NELL1: variants seen among roughly 807,000 people sequenced by gnomAD.
NELL1 encodes the protein neural EGFL like 1.
A neutral mutation model predicts 107.4 loss-of-function variants in NELL1; 76 were observed. The observed-to-expected ratio is 0.71, with a 90% CI of 0.59 to 0.86. The LOEUF (loss-of-function observed/expected upper bound fraction) is 0.86, where lower values mean the gene tolerates loss of function less well. NELL1 is among the 40% of genes least tolerant of loss of function. NELL1 has a pLI of 0.00. For missense variants in NELL1, 1,024 were observed against 1,005.5 expected, an observed-to-expected ratio of 1.02 and a Z score of -0.25; for synonymous variants, 353 against 341.2, an observed-to-expected ratio of 1.03 and a Z score of -0.38.
At chr11:21,516,812 T>A (rs1855577336) in intron 15 of NELL1, among the ~76,000 whole-genome samples, 1 of 151,494 alleles carries the variant, frequency 6.6e-6, no homozygotes, top group Admixed American at 6.6e-5. Context: ...CATTGGTATT[T>A]TTTTTTTTTT....
intron 14 of NELL1, among the ~76,000 whole-genome samples, chr11:21,249,550 T>C (rs921262843): frequency 6.6e-6 from 1 of 152,038 alleles, no homozygotes; most frequent in African/African-American, 2.4e-5. Context: ...TAAACTGAGT[T>C]TAAAAAAAAT....
rs564853781 is a variant in NELL1, at chr11:20,823,674, G to A, written c.336-23909G>A. On this transcript the variant is annotated intron_variant, in intron 3 of 19. Transcript: ENST00000357134. Reference sequence around the variant, plus strand: ...GTCTGGGAATGTCAGTTTTAAATAAGTTTCCAGGTGATTCTAATGCAAATA... The same window carrying A: ...GTCTGGGAATGTCAGTTTTAAATAAATTTCCAGGTGATTCTAATGCAAATA... Among the ~76,000 whole-genome samples, 5 of 151,306 alleles carry A rather than the reference G, an allele frequency of 3.3e-5. No individual in the cohort carries two copies. The East Asian group carries it at 9.7e-4, about 29-fold the overall frequency.
chr11:20,849,253 G>T (rs1848754780), intron 4 of NELL1, among the ~76,000 whole-genome samples: 1 of 152,168 alleles, frequency 6.6e-6, no homozygotes, highest in Non-Finnish European at 1.5e-5. Flanking sequence ...CAACTTAAGA[G>T]TCCTGGAGAT....
At chr11:20,954,960 G>T (rs947268452) in intron 11 of NELL1, among the ~76,000 whole-genome samples, 1 of 152,194 alleles carries the variant, frequency 6.6e-6, no homozygotes, top group African/African-American at 2.4e-5. Flanking sequence ...GAAAGAAAGA[G>T]AAAAGAAACA....
At chr11:21,303,713 G>A (rs1849547371) in intron 14 of NELL1, among the ~76,000 whole-genome samples, 1 of 152,098 alleles carries the variant, frequency 6.6e-6, no homozygotes, top group Admixed American at 6.6e-5. Context: ...GCACTTGTAT[G>A]TTTATCACAG....
chr11:20,690,314 T>C (rs1041437122), intron 2 of NELL1, among the ~76,000 whole-genome samples: 1 of 152,246 alleles, frequency 6.6e-6, no homozygotes, highest in Non-Finnish European at 1.5e-5. Flanking sequence ...ACTTTGGCTT[T>C]TGTTGCCATT....
At chr11:20,786,100 C>T (rs1026773615) in intron 3 of NELL1, among the ~76,000 whole-genome samples, 4 of 150,832 alleles carry the variant, frequency 2.7e-5, no homozygotes, top group Non-Finnish European at 5.9e-5. Flanking sequence ...CCTGTAATCC[C>T]GGCACTTTGG....
rs1234609172 is a variant in NELL1, at chr11:20,669,609, C to CCCCGCCG, written c.-109_-103dup. On this transcript the variant is annotated 5_prime_UTR_variant, in exon 1 of 20. Coordinates refer to ENST00000357134, the MANE Select transcript of NELL1 (RefSeq NM_006157.5). This position sits in a 1 kb window ranked among gnomAD's most constrained non-coding sequence, Gnocchi z 4.4. ...GCACCCGGCGCTGCCGAGCCACCTCCCCCGCCGCCCGCTAGCAAGTTTGGC... is the reference window on the plus strand; with the variant it reads ...GCACCCGGCGCTGCCGAGCCACCTCCCCCGCCGCCCGCCGCCCGCTAGCAAGTTTGGC... The CCCCGCCG allele has an allele frequency of 2.3e-6, 2 of 866,190 alleles. No individual in the cohort carries two copies. The highest frequency in any genetic ancestry group is 3.4e-5 in the African/African-American group (2 of 58,100). 53.7% of individuals were successfully genotyped at this position (866,190 alleles called of 1,614,324 possible).
intron 2 of NELL1, among the ~76,000 whole-genome samples, chr11:20,692,969 C>G (rs1027500208): frequency 2.6e-5 from 4 of 151,988 alleles, no homozygotes; most frequent in African/African-American, 9.7e-5. Context: ...TCTGGGTGCT[C>G]CTGTATTGGG....
At chr11:20,736,590 T>TAA (rs972497850) in intron 2 of NELL1, among the ~76,000 whole-genome samples, 1 of 152,188 alleles carries the variant, frequency 6.6e-6, no homozygotes, top group African/African-American at 2.4e-5. Flanking sequence ...GTCCATTGTC[T>TAA]AAAATACAGC....
chr11:21,475,429 T>G (rs531546177), intron 15 of NELL1, among the ~76,000 whole-genome samples: 1 of 152,312 alleles, frequency 6.6e-6, no homozygotes, highest in African/African-American at 2.4e-5. Context: ...CCACATTCCT[T>G]GTCACATAAC....
At chr11:20,894,529 A>T (rs1028449039) in intron 5 of NELL1, among the ~76,000 whole-genome samples, 2 of 152,236 alleles carry the variant, frequency 1.3e-5, no homozygotes, top group African/African-American at 4.8e-5. Flanking sequence ...GGATGGTATC[A>T]ATATGATTAG....
intron 14 of NELL1, among the ~76,000 whole-genome samples, chr11:21,340,243 C>T (rs1850529408): frequency 6.6e-6 from 1 of 152,172 alleles, no homozygotes; most frequent in African/African-American, 2.4e-5. Flanking sequence ...AGCTCTGCCC[C>T]CCAGGTTCAT....
chr11:21,383,823 T>G (rs559785250), intron 15 of NELL1: 2 of 151,848 alleles, frequency 1.3e-5, no homozygotes, highest in South Asian at 4.1e-4. Flanking sequence ...CCAATATTAC[T>G]AACTAATCAG....
At chr11:21,385,146 C>T (rs923618034) in intron 15 of NELL1, among the ~76,000 whole-genome samples, 12 of 151,808 alleles carry the variant, frequency 7.9e-5, no homozygotes, top group African/African-American at 1.7e-4. Flanking sequence ...TATTGTTCTT[C>T]GGAGCCTTTA....
rs1372159334 is a variant in NELL1 at position 20,785,442 on chromosome 11, A to G, written c.335+1612A>G. On this transcript the variant is annotated intron_variant, in intron 3 of 19. Transcript: ENST00000357134. ...CTCATTTTCCAAGGATTGAGTGTCA[A>G]GGCAAGTCTCAGCTTCACAACCCTA... Among the ~76,000 whole-genome samples, 3 of 152,362 alleles carry G rather than the reference A, an allele frequency of 2.0e-5. No individual in the cohort carries two copies. The East Asian group carries it at 5.8e-4, about 29-fold the overall frequency.
intron 1 of NELL1, among the ~76,000 whole-genome samples, chr11:20,674,956 AG>A (rs1346834545): frequency 6.6e-6 from 1 of 152,208 alleles, no homozygotes; most frequent in Non-Finnish European, 1.5e-5. Context: ...AGTGGCTTAA[AG>A]CAAACCATTG....
At chr11:21,542,796 A>T (rs1346350752) in intron 16 of NELL1, among the ~76,000 whole-genome samples, 1 of 152,120 alleles carries the variant, frequency 6.6e-6, no homozygotes, top group African/African-American at 2.4e-5. Context: ...TTAGAATAGT[A>T]TATACAAAGA....
intron 12 of NELL1, among the ~76,000 whole-genome samples, chr11:21,000,290 G>C (rs942676856): frequency 6.6e-6 from 1 of 151,960 alleles, no homozygotes; most frequent in Admixed American, 6.6e-5. Context: ...TCTTAATCCA[G>C]TTTACTGTGT....
Sources: gnomAD v4.1 joint callset for allele counts (sites outside exome capture counted in the v4.1 genomes callset) on GRCh38, gnomAD v4.1.1 for gene constraint, Gnocchi (gnomAD v3.1) non-coding constraint, MANE v1.5 for transcripts, NCBI Gene and HGNC (gene_info 2026-07-23, HGNC 2026-07-21) for gene names.